Variants in TP53TG5 observed in about 807,000 individuals in gnomAD.
TP53TG5 encodes TP53-target gene 5 protein.
A neutral mutation model predicts 30.0 loss-of-function variants in TP53TG5; 17 were observed. That is an observed-to-expected ratio of 0.57 (90% CI 0.39 to 0.85). The LOEUF (loss-of-function observed/expected upper bound fraction) is 0.85. Among genes scored for constraint, TP53TG5 ranks in the 40% least tolerant of loss-of-function variants. The pLI is 0.00. For synonymous variants in TP53TG5, 137 were observed against 139.2 expected (o/e 0.98, Z 0.11); for missense variants, 338 against 367.9 (o/e 0.92, Z 0.67).
In TP53TG5 at chr20:45,375,054, C is replaced by G. The variant is rs1988682490; in HGVS notation, c.753G>C (p.Met251Ile). The G allele has an allele frequency of 1.9e-6, 3 of 1,613,680 alleles. No homozygotes were observed. The highest frequency in any genetic ancestry group is 1.7e-5 in the Admixed American group (1 of 59,990). The stretch of plus-strand genomic sequence containing the variant: ...TCACACCCACCTTGTATGGATGCCA[C>G]ATAGGCATTTCAAGTGATGCGGAGC... ...RFCSASLEMPMWHPYKVDVTW... is the reference protein window; with the variant it reads ...RFCSASLEMPIWHPYKVDVTW... The change falls in exon 4 of 5, where the codon ATG (methionine) becomes ATC (isoleucine). Residue 251 changes from methionine (M) to isoleucine (I), a missense_variant. Transcript: ENST00000372726.
chr20:45,375,837 G>C (rs1988714956), intron 3 of TP53TG5: 2 of 405,982 alleles, frequency 4.9e-6, no homozygotes, highest in Non-Finnish European at 8.9e-6. Context: ...CTGTCTCTCT[G>C]GACTTCAGCT....
intron 4 of TP53TG5, chr20:45,374,396 T>G: frequency 1.6e-6 from 1 of 615,216 alleles, no homozygotes. Context: ...CTCAGCCTCC[T>G]GAGTAGCTGA....
Position 45,374,020 on chromosome 20 carries a change from A to G in TP53TG5, c.769-9T>C, listed in dbSNP as rs1034167121. ...GTCCAGGTCACATCAACCTGCCAGC[A>G]GAAACCTCGGTGTTAGGCGCTAAGA... is the stretch of plus-strand genomic sequence containing the variant. On this transcript the variant is annotated splice_polypyrimidine_tract_variant and intron_variant, in intron 4 of 4. Transcript: ENST00000372726. 1 of 1,613,870 alleles carries G rather than the reference A, an allele frequency of 6.2e-7. No homozygotes were observed. The highest frequency in any genetic ancestry group is 8.5e-7 in the Non-Finnish European group (1 of 1,179,992).
chr20:45,375,597 C>T, intron 3 of TP53TG5, 45 bp from the exon 4 acceptor site: 1 of 1,559,160 alleles, frequency 6.4e-7, no homozygotes, highest in Non-Finnish European at 8.6e-7. Context: ...GACCGAGGCC[C>T]TGGTTCCCGA....
chr20:45,376,097 T>G (rs760174678), intron 3 of TP53TG5: 3 of 152,452 alleles, frequency 2.0e-5, no homozygotes, highest in African/African-American at 2.4e-5. Flanking sequence ...AAAAAAAATT[T>G]TTAAGTTGGA....
chr20:45,373,613 C>T lies in TP53TG5; in HGVS notation c.*294G>A. 1 of 443,710 alleles carries T rather than the reference C, an allele frequency of 2.3e-6. No individual in the cohort carries two copies. The highest frequency in any genetic ancestry group is 3.8e-5 in the East Asian group (1 of 26,064). The allele number at this position is 443,710 out of a possible 1,614,324, so 27.5% of individuals were successfully genotyped here. A position where few individuals can be genotyped will look rare whatever the true frequency, so the allele number is the denominator to read the frequency against. On this transcript the variant is annotated 3_prime_UTR_variant, in exon 5 of 5. Coordinates refer to ENST00000372726, the MANE Select transcript of TP53TG5 (RefSeq NM_014477.3). The stretch of plus-strand genomic sequence containing the variant: ...CTTGCTGCCTCCGCGCCGCGGTTTC[C>T]TCTTGCGAGCTCGCGGGGCGATTGT...
chr20:45,374,644 A>G (rs140734182), intron 4 of TP53TG5: 8 of 431,092 alleles, frequency 1.9e-5, no homozygotes, highest in African/African-American at 1.6e-4. Context: ...TCTTAGAGGG[A>G]ATGGGATGCA....
At chr20:45,377,773 CA>C (rs896386412) in intron 1 of TP53TG5, among the ~76,000 whole-genome samples, 160 bp from the exon 2 acceptor site, 66 of 145,280 alleles carry the variant, frequency 4.5e-4, no homozygotes, top group East Asian at 9.9e-4. Flanking sequence ...CTGACTCTAC[CA>C]AAAAAAAAAA....
chr20:45,376,400 C>T (rs896692644), intron 3 of TP53TG5: 2 of 152,314 alleles, frequency 1.3e-5, no homozygotes, highest in South Asian at 2.1e-4. Flanking sequence ...ATGCCAGACT[C>T]GGGACCCTTA....
At chr20:45,376,865 T>G (rs752944082) in intron 3 of TP53TG5, 1 of 198,022 alleles carries the variant, frequency 5.0e-6, no homozygotes, top group African/African-American at 2.3e-5. Context: ...CTGGGTTATA[T>G]TGACTTGCAG....
chr20:45,376,355 A>G (rs1483612279), intron 3 of TP53TG5: 1 of 152,246 alleles, frequency 6.6e-6, no homozygotes, highest in Admixed American at 6.5e-5. Context: ...TACTGTGATG[A>G]TAATAATGGC....
In TP53TG5 at chr20:45,373,829, CTCTT is replaced by C; in HGVS notation, c.*74_*77del. 1 of 1,426,832 alleles carries C rather than the reference CTCTT, an allele frequency of 7.0e-7. No individual in the cohort carries two copies. The highest frequency in any genetic ancestry group is 9.9e-7 in the Non-Finnish European group (1 of 1,012,416). The allele number at this position is 1,426,832 out of a possible 1,614,324, so 88.4% of individuals were successfully genotyped here. Reference sequence around the variant, plus strand: ...GACACAGGCTCCCTCTACCGAAGGCCTCTTTCCTTCATCCTTCCCAGCCCCAGAC... The same window carrying C: ...GACACAGGCTCCCTCTACCGAAGGCCTCCTTCATCCTTCCCAGCCCCAGAC... On this transcript the variant is annotated 3_prime_UTR_variant, in exon 5 of 5. Coordinates refer to ENST00000372726, the MANE Select transcript of TP53TG5 (RefSeq NM_014477.3).
At chr20:45,378,137 T>G in intron 1 of TP53TG5, 52 bp downstream of exon 1, 7 of 1,612,536 alleles carry the variant, frequency 4.3e-6, no homozygotes, top group Non-Finnish European at 5.1e-6. Context: ...GTGGATTCTT[T>G]GTTAAGGTCC....
chr20:45,377,626 G>GA lies in TP53TG5; in HGVS notation c.49-14_49-13insT, dbSNP rs1471037976. On this transcript the variant is annotated splice_polypyrimidine_tract_variant and intron_variant, in intron 1 of 4. Coordinates refer to ENST00000372726, the MANE Select transcript of TP53TG5 (RefSeq NM_014477.3). Reference sequence around the variant, plus strand: ...TCTCATCTTGCATCTGAGGGACAGAGGATAAGAGAGACATAAACCCAGAGG... The same window carrying GA: ...TCTCATCTTGCATCTGAGGGACAGAGAGATAAGAGAGACATAAACCCAGAGG... 1.2e-6 allele frequency: 2 copies of GA among 1,612,680 alleles called. No homozygotes were observed. Among genetic ancestry groups the GA allele is most frequent in the Non-Finnish European group, 8.5e-7 (1 of 1,179,236 alleles).
In TP53TG5 at chr20:45,377,543, C is replaced by G. The variant is rs367652355; in HGVS notation, c.119G>C (p.Arg40Thr). Residue 40 changes from arginine (R) to threonine (T), a missense_variant, in exon 2 of 5, where the codon AGA (arginine) becomes ACA (threonine). By Grantham distance (71) the Arg-to-Thr change is moderately conservative. Coordinates refer to ENST00000372726, the MANE Select transcript of TP53TG5 (RefSeq NM_014477.3). Reference protein sequence around the residue: ...VSKVIERNRLRTVLKNLSLLK... With the variant: ...VSKVIERNRLTTVLKNLSLLK... ...GGCCAAAACAGGGCGTCTCACCGTTCTCAGACGGTTCCGCTCAATTACTTT... is the reference window on the plus strand; with the variant it reads ...GGCCAAAACAGGGCGTCTCACCGTTGTCAGACGGTTCCGCTCAATTACTTT... 1 of 1,614,030 alleles carries G rather than the reference C, an allele frequency of 6.2e-7. No homozygotes were observed.
intron 4 of TP53TG5, 36 bp from the exon 5 acceptor site, chr20:45,374,047 TGTCCC>T: frequency 6.2e-7 from 1 of 1,603,552 alleles, no homozygotes; most frequent in Non-Finnish European, 8.5e-7. Context: ...GCGCTAAGAC[TGTCCC>T]CAGGGGGCGC....
At position 45,375,205 on chromosome 20, in the gene TP53TG5, T is replaced by C. The variant is rs2231621; in HGVS notation, c.602A>G (p.Gln201Arg). Reference sequence around the variant, plus strand: ...GATCCACTGGTCGGCTACATCCAGCTGCTTCATGTGCCCCATGGGAGTTCT... The same window carrying C: ...GATCCACTGGTCGGCTACATCCAGCCGCTTCATGTGCCCCATGGGAGTTCT... ...RNRTPMGHMK[Q>R]LDVADQWIWF... Residue 201 changes from glutamine to arginine, a missense_variant, in exon 4 of 5, where the codon CAG (glutamine) becomes CGG (arginine). Transcript: ENST00000372726. 230 of 1,614,192 alleles carry C rather than the reference T, an allele frequency of 1.4e-4. 1 individual carries two copies. The East Asian group carries it at 2.5e-3, about 17-fold the overall frequency.
intron 3 of TP53TG5, chr20:45,376,671 G>GTT (rs1213137994): frequency 6.6e-6 from 1 of 151,756 alleles, no homozygotes; most frequent in Admixed American, 6.6e-5. Context: ...ACTGTAGGAT[G>GTT]GTACTTAGCA....
chr20:45,375,393 C>T lies in TP53TG5; in HGVS notation c.414G>A (p.Arg138=). ...EWKSQVQSGM[R]NKEKTSLAAM... ...CCGCCAATGACGTTTTCTCCTTGTT[C>T]CTCATCCCTGACTGCACCTGGGACT... Residue 138 remains arginine, a synonymous_variant, in exon 4 of 5, where the codon AGG becomes AGA. Coordinates refer to ENST00000372726, the MANE Select transcript of TP53TG5 (RefSeq NM_014477.3). 2 of 1,614,154 alleles carry T rather than the reference C, an allele frequency of 1.2e-6. No individual in the cohort carries two copies. Among genetic ancestry groups the T allele is most frequent in the Non-Finnish European group, 1.7e-6 (2 of 1,180,030 alleles).
Sources: gnomAD v4.1 joint callset for allele counts (sites outside exome capture counted in the v4.1 genomes callset) on GRCh38, gnomAD v4.1.1 for gene constraint, MANE v1.5 for transcripts, NCBI Gene and HGNC (gene_info 2026-07-23, HGNC 2026-07-21) for gene names.